PTPN14: variants seen among roughly 807,000 people sequenced by gnomAD.
PTPN14 encodes the protein protein tyrosine phosphatase non-receptor type 14.
PTPN14 carries 53 observed loss-of-function variants against 126.8 expected under a neutral mutation model. That is an observed-to-expected ratio of 0.42 (90% confidence interval 0.34 to 0.53). PTPN14 has a LOEUF of 0.53. Among genes scored for constraint, PTPN14 ranks in the 20% least tolerant of loss-of-function variants. PTPN14 has a pLI of 0.08. For synonymous variants in PTPN14, 630 were observed against 599.3 expected (o/e 1.05, Z -0.75); for missense variants, 1,257 against 1,552.9 (o/e 0.81, Z 3.20).
chr1:214,514,959 C>A (rs1398906072), intron 1 of PTPN14, among the ~76,000 whole-genome samples: 1 of 152,140 alleles, frequency 6.6e-6, no homozygotes, highest in African/African-American at 2.4e-5. Flanking sequence ...CCTGGCAGCT[C>A]CCCTCCTGTA....
At position 214,384,829 on chromosome 1, in the gene PTPN14, TC is replaced by T. The variant is rs773036711; in HGVS notation, c.1067-42del. On this transcript the variant is annotated intron_variant, in intron 12 of 18. Transcript: ENST00000366956. This position sits in a 1 kb window ranked among gnomAD's most constrained non-coding sequence, Gnocchi z 5.3. ...CAAAGGCACGTGAACCTCCAAGCCA[TC>T]CTGCCACAACAAAGTACATCCTCAT... 1.3e-5 allele frequency: 21 copies of T among 1,569,348 alleles called. No individual in the cohort carries two copies. Among genetic ancestry groups the T allele is most frequent in the Non-Finnish European group, 1.8e-5 (21 of 1,159,302 alleles).
chr1:214,394,861 G>A (rs375556074), intron 9 of PTPN14, 38 bp downstream of exon 9: 66 of 1,561,062 alleles, frequency 4.2e-5, no homozygotes, highest in Non-Finnish European at 5.4e-5. Context: ...AAAAGCCAGT[G>A]TCTTGTCAGA....
intron 1 of PTPN14, chr1:214,531,047 A>G (rs1655533620): frequency 6.6e-6 from 1 of 152,210 alleles, no homozygotes; most frequent in Admixed American, 6.5e-5. Flanking sequence ...TTTGCAATGA[A>G]TTCCAGGGAG....
intron 1 of PTPN14, among the ~76,000 whole-genome samples, chr1:214,515,592 T>A (rs184955516): frequency 4.8e-4 from 73 of 152,320 alleles, no homozygotes; most frequent in Non-Finnish European, 3.2e-4. Flanking sequence ...AATTCATAAG[T>A]AGGGAATATC....
At chr1:214,443,985 T>G (rs1395908147) in intron 3 of PTPN14, among the ~76,000 whole-genome samples, 1 of 151,368 alleles carries the variant, frequency 6.6e-6, no homozygotes, top group East Asian at 1.9e-4. Context: ...GTGGTGGGAG[T>G]GAGAGTGGGA....
At position 214,384,913 on chromosome 1, in the gene PTPN14, C is replaced by A; in HGVS notation, c.1067-125G>T. ...ATAAAAAGTGAAATCCCATGGTCTC[C>A]ACCCACATGTTCTATAGAATAACAG... On this transcript the variant is annotated intron_variant, in intron 12 of 18. Coordinates refer to ENST00000366956, the MANE Select transcript of PTPN14 (RefSeq NM_005401.5). This position sits in a 1 kb window ranked among gnomAD's most constrained non-coding sequence, Gnocchi z 5.3. 4 of 1,110,618 alleles carry A rather than the reference C, an allele frequency of 3.6e-6. No individual in the cohort carries two copies. In the South Asian group the frequency reaches 4.7e-5, roughly 13 times the overall value. The allele number at this position is 1,110,618 out of a possible 1,614,324, so 68.8% of individuals were successfully genotyped here.
At chr1:214,459,247 G>A (rs2102644776) in intron 2 of PTPN14, among the ~76,000 whole-genome samples, 1 of 150,028 alleles carries the variant, frequency 6.7e-6, no homozygotes, top group East Asian at 2.0e-4. Flanking sequence ...CCACCTCCCA[G>A]ATTCAAGCGA....
rs140049017 is a variant in PTPN14, at chr1:214,472,517, C to T, written c.-154-7560G>A. Among the ~76,000 whole-genome samples, 1,087 of 152,272 alleles carry T rather than the reference C, an allele frequency of 7.1e-3. 7 individuals carry two copies. Among genetic ancestry groups the T allele is most frequent in the Non-Finnish European group, 0.011 (781 of 68,010 alleles). Reference sequence around the variant, plus strand: ...GTATTTCTTCATAGCCATGCAAGAACAGACTAACACAGTCATTATGAAGAA... The same window carrying T: ...GTATTTCTTCATAGCCATGCAAGAATAGACTAACACAGTCATTATGAAGAA... On this transcript the variant is annotated intron_variant, in intron 1 of 18. Transcript: ENST00000366956.
In PTPN14 at chr1:214,393,730, T is replaced by C; in HGVS notation, c.894A>G (p.Arg298=). The part of the protein sequence containing the change: ...AKYISRLFAT[R]HKFYKQNKIC... ...TTTTGTTTTGTTTGTAAAACTTGTG[T>C]CGTGTGGCAAACAACCGAGAAATAT... Residue 298 remains arginine (R), a synonymous_variant, in exon 10 of 19, where the codon CGA becomes CGG. Transcript: ENST00000366956. 6.2e-7 allele frequency: 1 copy of C among 1,604,256 alleles called. No homozygotes were observed.
At chr1:214,465,385 G>A (rs1660612268) in intron 1 of PTPN14, among the ~76,000 whole-genome samples, 1 of 152,154 alleles carries the variant, frequency 6.6e-6, no homozygotes, top group South Asian at 2.1e-4. Context: ...TGAGGCGGAA[G>A]GATTACTTAA....
At chr1:214,542,358 G>T (rs1343015390) in intron 1 of PTPN14, among the ~76,000 whole-genome samples, 15 of 152,316 alleles carry the variant, frequency 9.8e-5, no homozygotes, top group Non-Finnish European at 4.4e-5. Flanking sequence ...CAAGAGAGGG[G>T]ACAGCATACA....
At chr1:214,417,386 G>C (rs1444704533) in intron 3 of PTPN14, among the ~76,000 whole-genome samples, 8 of 152,134 alleles carry the variant, frequency 5.3e-5, no homozygotes. Context: ...CTATGACCTA[G>C]TCTCTGGGGG....
At chr1:214,461,351 C>T (rs1355616609) in intron 2 of PTPN14, among the ~76,000 whole-genome samples, 2 of 152,050 alleles carry the variant, frequency 1.3e-5, no homozygotes, top group African/African-American at 4.8e-5. Context: ...AAACATATTA[C>T]CCTGAGCACA....
intron 5 of PTPN14, 36 bp from the exon 6 acceptor site, chr1:214,402,989 G>T: frequency 6.3e-7 from 1 of 1,599,260 alleles, no homozygotes; most frequent in Non-Finnish European, 8.6e-7. Context: ...TCACATGAGG[G>T]TGTGGGCATT....
At chr1:214,502,688 C>G (rs951809686) in intron 1 of PTPN14, among the ~76,000 whole-genome samples, 1 of 151,444 alleles carries the variant, frequency 6.6e-6, no homozygotes. Context: ...TTAAACGTTA[C>G]GAAAAAATGT....
chr1:214,459,691 T>A (rs1433436501), intron 2 of PTPN14, among the ~76,000 whole-genome samples: 1 of 151,798 alleles, frequency 6.6e-6, no homozygotes, highest in Non-Finnish European at 1.5e-5. Flanking sequence ...ATGGACTCGA[T>A]CTCCTGACCT....
rs1658019817 is a variant in PTPN14 at position 214,364,172 on chromosome 1, C to T, written c.3435+340G>A. 6.6e-6 allele frequency among the ~76,000 whole-genome samples: 1 copy of T among 152,182 alleles called. No homozygotes were observed. The highest frequency in any genetic ancestry group is 1.5e-5 in the Non-Finnish European group (1 of 68,026). ...ATCGAAACTATATGGGGTCAAATAA[C>T]TCACCATGGAAAATTACCCACAATA... On this transcript the variant is annotated intron_variant, in intron 18 of 18. Coordinates refer to ENST00000366956, the MANE Select transcript of PTPN14 (RefSeq NM_005401.5). This position sits in a 1 kb window ranked among gnomAD's most constrained non-coding sequence, Gnocchi z 4.1.
chr1:214,426,501 A>G (rs1659667530), intron 3 of PTPN14, among the ~76,000 whole-genome samples: 1 of 152,130 alleles, frequency 6.6e-6, no homozygotes, highest in Admixed American at 6.5e-5. Context: ...ACACATAGTA[A>G]ACTTTAAGTT....
chr1:214,518,106 C>A (rs1477631901), intron 1 of PTPN14, among the ~76,000 whole-genome samples: 1 of 152,116 alleles, frequency 6.6e-6, no homozygotes, highest in Non-Finnish European at 1.5e-5. Flanking sequence ...ACATGGTAAA[C>A]AATAAATGTT....
Sources: allele counts gnomAD v4.1 joint callset (sites outside exome capture counted in the v4.1 genomes callset), GRCh38; gene constraint gnomAD v4.1.1; non-coding constraint Gnocchi (gnomAD v3.1); transcripts MANE v1.5; gene names NCBI Gene and HGNC (gene_info 2026-07-23, HGNC 2026-07-21).